The following PHF24 variants were observed in gnomAD, a reference collection of about 807,000 sequenced individuals.
The protein encoded by PHF24 is PHD finger protein 24.
Under a neutral mutation model 42.6 loss-of-function variants are expected in PHF24, and 25 were observed. That is an observed-to-expected ratio of 0.59 (90% confidence interval 0.43 to 0.82). The LOEUF is 0.82. PHF24 is among the 40% of genes least tolerant of loss of function. The probability of loss-of-function intolerance (pLI) is 0.00; values close to 1 mark genes in which losing one functional copy is unlikely to be tolerated. For missense variants in PHF24, 470 were observed against 538.1 expected, an observed-to-expected ratio of 0.87 and a Z score of 1.25; for synonymous variants, 185 against 204.8, an observed-to-expected ratio of 0.90 and a Z score of 0.83.
chr9:34,931,648 G>A, the PHF24 span, among the ~76,000 whole-genome samples: 4 of 152,018 alleles, frequency 2.6e-5, no homozygotes, highest in Non-Finnish European at 4.4e-5. Flanking sequence ...GTCCTGCTGC[G>A]CAAGTGCTTG....
the PHF24 span, among the ~76,000 whole-genome samples, chr9:34,897,935 C>T: frequency 1.3e-5 from 2 of 152,134 alleles, no homozygotes; most frequent in African/African-American, 2.4e-5. Flanking sequence ...TTTGGTTTTC[C>T]GTTCCTGAGT....
chr9:34,937,866 T>C, the PHF24 span, among the ~76,000 whole-genome samples: 12 of 152,208 alleles, frequency 7.9e-5, no homozygotes, highest in Non-Finnish European at 5.9e-5. Flanking sequence ...TTCTCTAGAT[T>C]AGTTTCCCTT....
chr9:34,860,893 T>A, the PHF24 span, among the ~76,000 whole-genome samples: 8 of 152,218 alleles, frequency 5.3e-5, no homozygotes, highest in Non-Finnish European at 1.0e-4. Flanking sequence ...AGCCATGGAC[T>A]GTGATCTCTT....
At chr9:34,818,264 G>C in the PHF24 span, among the ~76,000 whole-genome samples, 1 of 152,170 alleles carries the variant, frequency 6.6e-6, no homozygotes, top group Admixed American at 6.5e-5. Flanking sequence ...CCTGATAGTA[G>C]GGGAAAGTGT....
the PHF24 span, among the ~76,000 whole-genome samples, chr9:34,847,167 T>C: frequency 2.0e-5 from 3 of 152,244 alleles, no homozygotes; most frequent in African/African-American, 7.2e-5. Context: ...GGGGATGGCA[T>C]TGAATCTATG....
the PHF24 span, among the ~76,000 whole-genome samples, chr9:34,821,237 C>A: frequency 6.6e-6 from 1 of 152,158 alleles, no homozygotes; most frequent in Admixed American, 6.5e-5. Context: ...CCCACATATT[C>A]TTTGCTTCCT....
the PHF24 span, among the ~76,000 whole-genome samples, chr9:34,733,080 T>A: frequency 6.6e-6 from 1 of 152,222 alleles, no homozygotes; most frequent in African/African-American, 2.4e-5. Context: ...GGTGTGTGTA[T>A]TTTAAATGTT....
At chr9:34,919,374 A>G in the PHF24 span, among the ~76,000 whole-genome samples, 1 of 152,182 alleles carries the variant, frequency 6.6e-6, no homozygotes, top group African/African-American at 2.4e-5. Context: ...TTGTCACCCT[A>G]CTGTGCTATC....
At chr9:34,692,370 A>G in the PHF24 span, among the ~76,000 whole-genome samples, 1 of 151,992 alleles carries the variant, frequency 6.6e-6, no homozygotes, top group Non-Finnish European at 1.5e-5. Flanking sequence ...AGTTTTTCTT[A>G]TTTTCACATT....
the PHF24 span, chr9:34,723,353 T>G: frequency 3.9e-6 from 6 of 1,551,428 alleles, no homozygotes; most frequent in Non-Finnish European, 5.2e-6. Context: ...GAGCTTATCG[T>G]CTAGGGATTG....
chr9:34,782,547 T>C, the PHF24 span, among the ~76,000 whole-genome samples: 5 of 152,148 alleles, frequency 3.3e-5, no homozygotes, highest in Non-Finnish European at 2.9e-5. Flanking sequence ...TCCAGTCCAG[T>C]GACTCATCCT....
At chr9:34,877,604 C>G in the PHF24 span, among the ~76,000 whole-genome samples, 1 of 151,952 alleles carries the variant, frequency 6.6e-6, no homozygotes, top group Non-Finnish European at 1.5e-5. Context: ...AAATTCTACA[C>G]TTAAAAATGG....
the PHF24 span, among the ~76,000 whole-genome samples, chr9:34,716,390 C>T: frequency 6.6e-6 from 1 of 152,046 alleles, no homozygotes; most frequent in Non-Finnish European, 1.5e-5. Context: ...ACAGGCGTAT[C>T]TTAGATGAGG....
At chr9:34,784,148 G>A in the PHF24 span, among the ~76,000 whole-genome samples, 2 of 152,288 alleles carry the variant, frequency 1.3e-5, no homozygotes, top group East Asian at 3.9e-4. Context: ...ATTCTCTAAG[G>A]AAGAGTTTCC....
At chr9:34,701,121 T>C in the PHF24 span, among the ~76,000 whole-genome samples, 2 of 152,134 alleles carry the variant, frequency 1.3e-5, no homozygotes, top group Non-Finnish European at 2.9e-5. The surrounding 1 kb of genome is among the most constrained non-coding windows in gnomAD (Gnocchi z 5.8). Context: ...GATCAACCCA[T>C]TCAGCCCAGC....
the PHF24 span, chr9:34,835,365 G>A: frequency 3.1e-5 from 48 of 1,549,008 alleles, no homozygotes; most frequent in Non-Finnish European, 3.6e-5. Context: ...TCCTCCACAC[G>A]TCTTGGGAGC....
At chr9:34,774,751 C>T in the PHF24 span, among the ~76,000 whole-genome samples, 5 of 152,102 alleles carry the variant, frequency 3.3e-5, no homozygotes, top group African/African-American at 1.2e-4. Flanking sequence ...CCAGCCTAGG[C>T]GACAAGAGTG....
At chr9:34,886,852 A>ATCTATCTATCTG in the PHF24 span, among the ~76,000 whole-genome samples, 1 of 151,206 alleles carries the variant, frequency 6.6e-6, no homozygotes, top group Non-Finnish European at 1.5e-5. Context: ...CTATCTATCT[A>ATCTATCTATCTG]TCTATCTATC....
chr9:34,927,445 G>A, the PHF24 span, among the ~76,000 whole-genome samples: 1 of 152,102 alleles, frequency 6.6e-6, no homozygotes, highest in African/African-American at 2.4e-5. Context: ...GTGGGATGGG[G>A]GGAATGGGGA....
Sources: allele counts gnomAD v4.1 joint callset (sites outside exome capture counted in the v4.1 genomes callset), GRCh38; gene constraint gnomAD v4.1.1; non-coding constraint Gnocchi (gnomAD v3.1); transcripts MANE v1.5; gene names NCBI Gene and HGNC (gene_info 2026-07-23, HGNC 2026-07-21).